PAXIP1: variants seen among roughly 807,000 people sequenced by gnomAD.
PAXIP1 encodes PAX interacting protein 1, also known as PAX-interacting protein 1.
Under a neutral mutation model 140.6 loss-of-function variants are expected in PAXIP1, and 19 were observed. The ratio of observed to expected loss-of-function variants is 0.14; its 90% CI spans 0.09 to 0.20. The LOEUF (loss-of-function observed/expected upper bound fraction) is 0.20. PAXIP1 is among the 10% of genes least tolerant of loss of function. PAXIP1 has a pLI of 1.00. For missense variants in PAXIP1, 920 were observed against 1,208.6 expected (o/e 0.76, Z 3.54); for synonymous variants, 442 against 444.6 (o/e 0.99, Z 0.07).
chr7:154,949,420 G>A (rs1237702122), intron 16 of PAXIP1: 2 of 152,162 alleles, frequency 1.3e-5, no homozygotes, highest in Non-Finnish European at 2.9e-5. Context: ...AGATAGAAAG[G>A]CTGCTTTTTA....
intron 20 of PAXIP1, chr7:154,945,176 G>A (rs1807897427): frequency 6.6e-6 from 1 of 151,932 alleles, no homozygotes; most frequent in Admixed American, 6.6e-5. Flanking sequence ...TAGAGCCAGG[G>A]TTTCACCATG....
Position 154,975,957 on chromosome 7 carries a change from G to A in PAXIP1, c.813C>T (p.Val271=). 6.2e-7 allele frequency: 1 copy of A among 1,613,862 alleles called. No homozygotes were observed. Among genetic ancestry groups the A allele is most frequent in the South Asian group, 1.1e-5 (1 of 91,048 alleles). ...TGCGTTTTGCTGCAGCTAACTGTGG[G>A]ACTTCGGCCGGGGTCCAGTTTAAAT... ...ERNLNWTPAE[V]PQLAAAKRRL... is the part of the protein sequence containing the mutation. The change falls in exon 6 of 21, where the codon GTC becomes GTT. Residue 271 remains valine (V), a synonymous_variant. Coordinates refer to ENST00000404141, the MANE Select transcript of PAXIP1 (RefSeq NM_007349.4).
intron 20 of PAXIP1, chr7:154,944,908 C>T (rs1295625819): frequency 6.6e-6 from 1 of 151,762 alleles, no homozygotes; most frequent in African/African-American, 2.4e-5. Context: ...CACCAAGCCT[C>T]ATTCCAACTA....
intron 6 of PAXIP1, among the ~76,000 whole-genome samples, chr7:154,971,918 G>A (rs1415108186): frequency 6.6e-6 from 1 of 152,118 alleles, no homozygotes; most frequent in African/African-American, 2.4e-5. Flanking sequence ...CTCTTGCATT[G>A]CTGAAAGTCT....
At chr7:154,998,025 C>T (rs954309963) in intron 2 of PAXIP1, among the ~76,000 whole-genome samples, 60 of 152,212 alleles carry the variant, frequency 3.9e-4, no homozygotes, top group African/African-American at 1.4e-3. Flanking sequence ...ACAGGTTTCC[C>T]TGGCTCAGAA....
rs1433521468 is a variant in PAXIP1, at chr7:154,963,486, C to G, written c.1989+185G>C. Among the ~76,000 whole-genome samples, 1 of 152,138 alleles carries G rather than the reference C, an allele frequency of 6.6e-6. No homozygotes were observed. The highest frequency in any genetic ancestry group is 1.5e-5 in the Non-Finnish European group (1 of 68,036). On this transcript the variant is annotated intron_variant, in intron 9 of 20. Coordinates refer to ENST00000404141, the MANE Select transcript of PAXIP1 (RefSeq NM_007349.4). This position sits in a 1 kb window ranked among gnomAD's most constrained non-coding sequence, Gnocchi z 4.1. ...AACATCCCTTTCTTTCTCCATTGCTCAAAGACAATGGTGCCCACAAAAGAT... is the reference window on the plus strand; with the variant it reads ...AACATCCCTTTCTTTCTCCATTGCTGAAAGACAATGGTGCCCACAAAAGAT...
At chr7:155,002,646 C>A (rs1447272718) in intron 1 of PAXIP1, among the ~76,000 whole-genome samples, 1 of 151,656 alleles carries the variant, frequency 6.6e-6, no homozygotes, top group Admixed American at 6.6e-5. Context: ...AGCCGCCTTC[C>A]CTCCCGCACT....
chr7:154,973,914 C>G lies in PAXIP1; in HGVS notation c.1074+1782G>C, dbSNP rs1162246714. On this transcript the variant is annotated intron_variant, in intron 6 of 20. Transcript: ENST00000404141. This position sits in a 1 kb window ranked among gnomAD's most constrained non-coding sequence, Gnocchi z 4.0. The stretch of plus-strand genomic sequence containing the variant: ...TGAAAGTGTCCAGAACAAGGTGAAG[C>G]GGCAGACGGGGTGTCACCATCAGAT... Among the ~76,000 whole-genome samples, 1 of 152,158 alleles carries G rather than the reference C, an allele frequency of 6.6e-6. No individual in the cohort carries two copies. Among genetic ancestry groups the G allele is most frequent in the Non-Finnish European group, 1.5e-5 (1 of 68,024 alleles).
intron 16 of PAXIP1, chr7:154,952,039 CATTAT>C (rs1214672694): frequency 6.6e-6 from 1 of 152,158 alleles, no homozygotes; most frequent in African/African-American, 2.4e-5. Flanking sequence ...AACTGTATAA[CATTAT>C]ATGAAATTGG....
intron 5 of PAXIP1, among the ~76,000 whole-genome samples, chr7:154,979,826 C>T (rs937880415): frequency 1.3e-5 from 2 of 152,114 alleles, no homozygotes; most frequent in African/African-American, 4.8e-5. Context: ...GGGAACACCA[C>T]GCCATAGAAG....
intron 6 of PAXIP1, among the ~76,000 whole-genome samples, chr7:154,972,076 G>A (rs539007858): frequency 6.6e-6 from 1 of 152,196 alleles, no homozygotes; most frequent in African/African-American, 2.4e-5. Context: ...GTGCAGAGAT[G>A]TGCCCAAACT....
intron 4 of PAXIP1, among the ~76,000 whole-genome samples, chr7:154,990,460 A>G (rs763046121): frequency 6.6e-6 from 1 of 152,226 alleles, no homozygotes; most frequent in Non-Finnish European, 1.5e-5. Context: ...TGCCGGCAGG[A>G]AGCAGGAGTC....
rs1261958044 is a variant in PAXIP1, at chr7:154,976,119, C to T, written c.651G>A (p.Lys217=). The change falls in exon 6 of 21, where the codon AAG becomes AAA. Residue 217 remains lysine, a synonymous_variant. Coordinates refer to ENST00000404141, the MANE Select transcript of PAXIP1 (RefSeq NM_007349.4). ...CTTCTTGAGAGCTGGCAGGGCTTGACTTCTCATCTGTACTACCCTCATTCT... is the reference window on the plus strand; with the variant it reads ...CTTCTTGAGAGCTGGCAGGGCTTGATTTCTCATCTGTACTACCCTCATTCT... ...DSQNEGSTDE[K]SSPASSQEGS... 1.9e-6 allele frequency: 3 copies of T among 1,570,596 alleles called. No homozygotes were observed. Among genetic ancestry groups the T allele is most frequent in the African/African-American group, 2.7e-5 (2 of 73,920 alleles).
At chr7:154,991,745 T>C (rs750774215) in intron 3 of PAXIP1, among the ~76,000 whole-genome samples, 13 of 152,242 alleles carry the variant, frequency 8.5e-5, no homozygotes, top group Non-Finnish European at 1.8e-4. Flanking sequence ...TCATGATCTC[T>C]ATGTGCCTGT....
At chr7:154,955,411 C>G in intron 15 of PAXIP1, 118 bp downstream of exon 15, 1 of 646,960 alleles carries the variant, frequency 1.5e-6, no homozygotes, top group Non-Finnish European at 2.7e-6. Context: ...AAATATGCAC[C>G]ATAAAGACTG....
At chr7:154,944,790 A>C (rs2150733865) in intron 20 of PAXIP1, 1 of 152,290 alleles carries the variant, frequency 6.6e-6, no homozygotes, top group East Asian at 1.9e-4. Flanking sequence ...ATCTGTAAAA[A>C]TTTAACAGGC....
chr7:154,971,081 A>G lies in PAXIP1; in HGVS notation c.1075-1955T>C, dbSNP rs116163952. ...ACAGCAGCAGACATCAGGACAGCAC[A>G]GAGGCCAGAGGCTCCTATTTTTCAG... On this transcript the variant is annotated intron_variant, in intron 6 of 20. Coordinates refer to ENST00000404141, the MANE Select transcript of PAXIP1 (RefSeq NM_007349.4). 9.4e-3 allele frequency among the ~76,000 whole-genome samples: 1,428 copies of G among 152,346 alleles called. 24 individuals are homozygous for G. Among genetic ancestry groups the G allele is most frequent in the African/African-American group, 0.031 (1,288 of 41,568 alleles).
rs754400737 is a variant in PAXIP1, at chr7:154,962,294, A to G, written c.2127+27T>C. The stretch of plus-strand genomic sequence containing the variant: ...CGCCAAAGTCGAAGGATGATTTAAC[A>G]AATGGAACGCGAGGACTCTGTCTTA... On this transcript the variant is annotated intron_variant, in intron 10 of 20. Coordinates refer to ENST00000404141, the MANE Select transcript of PAXIP1 (RefSeq NM_007349.4). The G allele has an allele frequency of 6.2e-6, 10 of 1,607,846 alleles. No individual in the cohort carries two copies. The South Asian group carries it at 9.9e-5, about 16-fold the overall frequency.
chr7:154,951,525 G>A (rs1026622434), intron 16 of PAXIP1: 6 of 152,044 alleles, frequency 3.9e-5, no homozygotes, highest in African/African-American at 1.4e-4. Context: ...ATTCTCTTAG[G>A]AAATCCTAAA....
Sources: allele counts gnomAD v4.1 joint callset (sites outside exome capture counted in the v4.1 genomes callset), GRCh38; gene constraint gnomAD v4.1.1; non-coding constraint Gnocchi (gnomAD v3.1); transcripts MANE v1.5; gene names NCBI Gene and HGNC (gene_info 2026-07-23, HGNC 2026-07-21).